DOCK10: variants seen among roughly 807,000 people sequenced by gnomAD.
The protein encoded by DOCK10 is dedicator of cytokinesis protein 10.
In DOCK10, 145 loss-of-function variants were observed where a neutral mutation model predicts 280.1. The ratio of observed to expected loss-of-function variants is 0.52; its 90% CI spans 0.45 to 0.59. DOCK10 has a LOEUF of 0.59. Among genes scored for constraint, DOCK10 ranks in the 20% least tolerant of loss-of-function variants. The probability of loss-of-function intolerance (pLI) is 0.00; values close to 1 mark genes in which losing one functional copy is unlikely to be tolerated. For missense variants in DOCK10, 2,368 were observed against 2,651.7 expected, an observed-to-expected ratio of 0.89 and a Z score of 2.35; for synonymous variants, 915 against 942.2, an observed-to-expected ratio of 0.97 and a Z score of 0.53.
intron 3 of DOCK10, among the ~76,000 whole-genome samples, chr2:224,915,117 C>A (rs749670562): frequency 4.6e-5 from 7 of 152,124 alleles, no homozygotes; most frequent in Non-Finnish European, 8.8e-5. Flanking sequence ...ATGCACAAGA[C>A]CTGGTTAAAC....
In DOCK10 at chr2:225,042,425, CT is replaced by C; in HGVS notation, c.-52del. 8.1e-7 allele frequency: 1 copy of C among 1,228,788 alleles called. No homozygotes were observed. The highest frequency in any genetic ancestry group is 3.7e-5 in the South Asian group (1 of 27,242). The allele number at this position is 1,228,788 out of a possible 1,614,324, so 76.1% of individuals were successfully genotyped here. A position where few individuals can be genotyped will look rare whatever the true frequency, so the allele number is the denominator to read the frequency against. ...GGCCCGGGGCGCGCCTCCCGCCGGT[CT>C]TCCCCGCGCCAACCTTCTCTATCCA... On this transcript the variant is annotated 5_prime_UTR_variant, in exon 1 of 56. Coordinates refer to ENST00000258390, the MANE Select transcript of DOCK10 (RefSeq NM_014689.3). The surrounding 1 kb of genome is among the most constrained non-coding windows in gnomAD (Gnocchi z 5.1).
intron 3 of DOCK10, among the ~76,000 whole-genome samples, chr2:224,906,483 A>G (rs971119616): frequency 2.7e-5 from 4 of 150,764 alleles, no homozygotes; most frequent in African/African-American, 1.0e-4. Context: ...ATTTATTTTT[A>G]GATGGAATCT....
At chr2:224,982,611 C>CGATGTGAATTGAGA in intron 1 of DOCK10, 1 of 720,474 alleles carries the variant, frequency 1.4e-6, no homozygotes, top group South Asian at 6.3e-5. Context: ...AAGTATTTCT[C>CGATGTGAATTGAGA]AATTCACATC....
At chr2:224,828,438 T>C (rs1440447539) in intron 27 of DOCK10, among the ~76,000 whole-genome samples, 2 of 151,912 alleles carry the variant, frequency 1.3e-5, no homozygotes, top group African/African-American at 4.8e-5. Context: ...TGGCAGAGGA[T>C]AGAGGAAAAA....
chr2:224,833,266 C>T (rs1695357461), intron 26 of DOCK10, among the ~76,000 whole-genome samples: 2 of 151,872 alleles, frequency 1.3e-5, no homozygotes, highest in South Asian at 4.1e-4. Flanking sequence ...GAACGCCTGG[C>T]CTATGCTAAC....
chr2:224,772,676 T>G (rs537590303), intron 53 of DOCK10, among the ~76,000 whole-genome samples: 13 of 152,360 alleles, frequency 8.5e-5, no homozygotes, highest in African/African-American at 3.1e-4. Flanking sequence ...ACAGTTTATT[T>G]ACTCTATCCT....
At chr2:224,987,872 G>C (rs1575151160) in intron 1 of DOCK10, among the ~76,000 whole-genome samples, 1 of 152,200 alleles carries the variant, frequency 6.6e-6, no homozygotes. Flanking sequence ...CCTGGTGGAA[G>C]AGGTGGCCAG....
rs111356042 is a variant in DOCK10 at position 224,765,822 on chromosome 2, C to T, written c.6460G>A (p.Asp2154Asn). Residue 2154 changes from aspartate (D) to asparagine (N), a missense_variant, in exon 56 of 56, where the codon GAC becomes AAC. Physicochemically the swap from Asp to Asn is conservative, Grantham distance 23 (BLOSUM62 1). Transcript: ENST00000258390. ...VMNEQITGRD[D>N]LSKRGVDQTC... ...TGGTCCACTCCGCGCTTTGACAGGTCGTCCCTGCCCGTAATCTTAAAACAG... is the reference window on the plus strand; with the variant it reads ...TGGTCCACTCCGCGCTTTGACAGGTTGTCCCTGCCCGTAATCTTAAAACAG... 2.6e-3 allele frequency: 4,176 copies of T among 1,613,418 alleles called. 96 individuals carry two copies. In the African/African-American group the frequency reaches 0.047, roughly 18 times the overall value.
At chr2:224,797,287 G>T (rs1272359524) in intron 42 of DOCK10, 141 bp from the exon 43 acceptor site, 2 of 619,932 alleles carry the variant, frequency 3.2e-6, no homozygotes, top group Non-Finnish European at 5.3e-6. Context: ...TCATTTGCAA[G>T]TGAGGAGGAT....
chr2:224,946,857 C>A (rs1703449466), intron 1 of DOCK10: 2 of 1,541,618 alleles, frequency 1.3e-6, no homozygotes, highest in East Asian at 2.5e-5. Context: ...AGAACTAAAT[C>A]TGTGGATTTC....
rs374517378 is a variant in DOCK10 at position 224,844,786 on chromosome 2, C to T, written c.2535G>A (p.Val845=). The stretch of plus-strand genomic sequence containing the variant: ...TTACTGTTGATACAACAAATGTCGA[C>T]ACTTTGAAAAGTGGTTTGCCACCAT... ...WVDGGKPLFK[V]STFVVSTVNT... is the part of the protein sequence containing the mutation. Residue 845 remains valine (V), a synonymous_variant, in exon 22 of 56, where the codon GTG becomes GTA. Coordinates refer to ENST00000258390, the MANE Select transcript of DOCK10 (RefSeq NM_014689.3). The T allele has an allele frequency of 1.2e-6, 2 of 1,604,360 alleles. No individual in the cohort carries two copies. Among genetic ancestry groups the T allele is most frequent in the Admixed American group, 1.7e-5 (1 of 58,904 alleles).
chr2:224,823,385 C>T, intron 28 of DOCK10, 116 bp downstream of exon 28: 1 of 820,164 alleles, frequency 1.2e-6, no homozygotes, highest in Non-Finnish European at 1.7e-6. Context: ...TTTCATCTGA[C>T]AGTGCTAGTT....
intron 1 of DOCK10, among the ~76,000 whole-genome samples, chr2:225,002,000 C>G (rs1278601572): frequency 2.0e-5 from 3 of 152,168 alleles, no homozygotes; most frequent in Non-Finnish European, 4.4e-5. Context: ...TAAGGCGACA[C>G]ACATAAGCAA....
At position 224,787,078 on chromosome 2, in the gene DOCK10, C is replaced by T; in HGVS notation, c.5599G>A (p.Val1867Met). The change falls in exon 50 of 56, where the codon GTG becomes ATG. Residue 1867 changes from valine to methionine, a missense_variant. Val to Met is a conservative substitution (Grantham distance 21, BLOSUM62 1). Around this residue, in one of 2 missense-constraint regions of DOCK10, gnomAD observed 1,159 missense variants for 1,400.8 expected, o/e 0.83. Transcript: ENST00000258390. The part of the protein sequence containing the change: ...HRSYLKVAEV[V>M]NSEKRLFGRY... The stretch of plus-strand genomic sequence containing the variant: ...CCAAACAGCCGCTTCTCCGAATTCA[C>T]CACCTCTGCCACTTTCAGATATGAC... 1 of 1,614,002 alleles carries T rather than the reference C, an allele frequency of 6.2e-7. No homozygotes were observed. The highest frequency in any genetic ancestry group is 8.5e-7 in the Non-Finnish European group (1 of 1,179,872).
rs1443930455 is a variant in DOCK10, at chr2:224,874,053, G to A, written c.1200C>T (p.Ala400=). Residue 400 remains alanine, a synonymous_variant, in exon 11 of 56, where the codon GCC becomes GCT. Transcript: ENST00000258390. ...AAKRIMIICK[A]LNSNLQGCVT... is the part of the protein sequence containing the mutation. ...CACATCCCTGAAGATTTGAGTTGAG[G>A]GCTTTACAGATGATCATGATTCTCT... 6.2e-7 allele frequency: 1 copy of A among 1,613,468 alleles called. No homozygotes were observed. The highest frequency in any genetic ancestry group is 1.7e-5 in the Admixed American group (1 of 59,966).
At chr2:224,862,833 AT>A in intron 13 of DOCK10, 87 bp from the exon 14 acceptor site, 1 of 835,640 alleles carries the variant, frequency 1.2e-6, no homozygotes, top group Non-Finnish European at 1.8e-6. Flanking sequence ...TTTTCATATT[AT>A]TTTATACTGA....
At chr2:224,981,812 C>T (rs10498177) in intron 1 of DOCK10, among the ~76,000 whole-genome samples, 5,069 of 152,320 alleles carry the variant, frequency 0.033, 120 homozygotes, top group Non-Finnish European at 0.051. Context: ...ATCTATACAA[C>T]TTCAATGGTT....
intron 3 of DOCK10, among the ~76,000 whole-genome samples, chr2:224,897,422 TTTTAG>T (rs1214219297): frequency 6.6e-6 from 1 of 152,188 alleles, no homozygotes; most frequent in Admixed American, 6.5e-5. Context: ...AATTATACTC[TTTTAG>T]TTATTTTTAA....
At chr2:225,027,467 C>G (rs994176196) in intron 1 of DOCK10, among the ~76,000 whole-genome samples, 1 of 152,054 alleles carries the variant, frequency 6.6e-6, no homozygotes, top group Non-Finnish European at 1.5e-5. Flanking sequence ...AATTGTAACC[C>G]CCAGTGTTGG....
Sources: allele counts gnomAD v4.1 joint callset (sites outside exome capture counted in the v4.1 genomes callset), GRCh38; gene constraint gnomAD v4.1.1; regional missense constraint gnomAD v4.1.1; non-coding constraint Gnocchi (gnomAD v3.1); transcripts MANE v1.5; gene names NCBI Gene and HGNC (gene_info 2026-07-23, HGNC 2026-07-21).